EDEM3: variants seen among roughly 807,000 people sequenced by gnomAD.
EDEM3 encodes ER degradation enhancing alpha-mannosidase like protein 3, also known as ER degradation-enhancing alpha-mannosidase-like protein 3.
Under a neutral mutation model 110.2 loss-of-function variants are expected in EDEM3, and 60 were observed. The observed-to-expected ratio is 0.54, with a 90% CI of 0.44 to 0.67. The LOEUF (loss-of-function observed/expected upper bound fraction) is 0.67. EDEM3 is among the 30% of genes least tolerant of loss of function. The pLI is 0.00. For synonymous variants in EDEM3, 352 were observed against 382.9 expected (o/e 0.92, Z 0.94); for missense variants, 996 against 1,121.0 (o/e 0.89, Z 1.59).
At chr1:184,737,186 C>A in intron 3 of EDEM3, 122 bp from the exon 4 acceptor site, 1 of 788,430 alleles carries the variant, frequency 1.3e-6, no homozygotes, top group Non-Finnish European at 2.1e-6. Flanking sequence ...TTCCATGTAT[C>A]TATAGTACAA....
intron 2 of EDEM3, among the ~76,000 whole-genome samples, chr1:184,742,675 C>G (rs181149316): frequency 5.3e-4 from 81 of 152,350 alleles, no homozygotes; most frequent in African/African-American, 1.8e-3. Flanking sequence ...AGGCGTGAGC[C>G]ACCATGCCCA....
chr1:184,749,437 TTCC>T, intron 2 of EDEM3, 107 bp downstream of exon 2: 1 of 889,932 alleles, frequency 1.1e-6, no homozygotes, highest in Non-Finnish European at 1.7e-6. Context: ...TTTTAAAAAC[TTCC>T]TTTTAAAAAA....
chr1:184,701,900 A>T (rs893905857), intron 19 of EDEM3, among the ~76,000 whole-genome samples: 12 of 151,386 alleles, frequency 7.9e-5, no homozygotes, highest in Non-Finnish European at 1.8e-4. Flanking sequence ...ATCACCGAAC[A>T]TTTTTTTTTA....
rs1331358190 is a variant in EDEM3, at chr1:184,737,076, G to C, written c.306-12C>G. Reference sequence around the variant, plus strand: ...GTGTCAGAGAAAATCTAAGAAACAAGCGTTAACAAGATATAAAACATTAGA... The same window carrying C: ...GTGTCAGAGAAAATCTAAGAAACAACCGTTAACAAGATATAAAACATTAGA... On this transcript the variant is annotated splice_polypyrimidine_tract_variant and intron_variant, in intron 3 of 19. Transcript: ENST00000318130. The C allele has an allele frequency of 6.4e-7, 1 of 1,554,716 alleles. No individual in the cohort carries two copies. The highest frequency in any genetic ancestry group is 1.1e-5 in the South Asian group (1 of 89,004).
intron 2 of EDEM3, among the ~76,000 whole-genome samples, chr1:184,748,387 C>G (rs1488354675): frequency 2.6e-5 from 4 of 151,240 alleles, no homozygotes; most frequent in African/African-American, 9.7e-5. Context: ...GTGGTGGCTG[C>G]AGTGAGCTGA....
intron 18 of EDEM3, 131 bp downstream of exon 18, chr1:184,706,512 T>G: frequency 1.5e-6 from 1 of 689,176 alleles, no homozygotes; most frequent in Non-Finnish European, 2.3e-6. Context: ...TTGGATTACC[T>G]ATCCTTGTTG....
Position 184,749,540 on chromosome 1 carries a change from T to A in EDEM3, c.204+7A>T. ...AAATGGTAGGTAAAGATAAGCTTCC[T>A]ACTTACCATATAGTTACCATAAGCA... On this transcript the variant is annotated splice_region_variant and intron_variant, in intron 2 of 19. Transcript: ENST00000318130. 1 of 1,566,510 alleles carries A rather than the reference T, an allele frequency of 6.4e-7. No individual in the cohort carries two copies. Among genetic ancestry groups the A allele is most frequent in the Non-Finnish European group, 8.7e-7 (1 of 1,153,464 alleles).
Position 184,737,725 on chromosome 1 carries a change from T to C in EDEM3, c.205-14A>G. The stretch of plus-strand genomic sequence containing the variant: ...GTAAGCATGTTCCTGCAAGGAAAAC[T>C]TTAGTAAGTTACTAAGGAAAATAAG... On this transcript the variant is annotated splice_polypyrimidine_tract_variant and intron_variant, in intron 2 of 19. Coordinates refer to ENST00000318130, the MANE Select transcript of EDEM3 (RefSeq NM_025191.4). The C allele has an allele frequency of 6.2e-7, 1 of 1,609,398 alleles. No homozygotes were observed. Among genetic ancestry groups the C allele is most frequent in the Non-Finnish European group, 8.5e-7 (1 of 1,176,272 alleles).
intron 2 of EDEM3, among the ~76,000 whole-genome samples, chr1:184,739,002 A>G (rs547523122): frequency 8.6e-5 from 13 of 152,008 alleles, no homozygotes; most frequent in African/African-American, 2.9e-4. Flanking sequence ...TCTGGAATCT[A>G]TTTTCATTTA....
intron 16 of EDEM3, among the ~76,000 whole-genome samples, chr1:184,709,244 T>C (rs946716126): frequency 6.6e-6 from 1 of 152,112 alleles, no homozygotes; most frequent in Non-Finnish European, 1.5e-5. Context: ...CAGATTGAGA[T>C]TGAGATGCAA....
intron 4 of EDEM3, among the ~76,000 whole-genome samples, chr1:184,736,602 A>C (rs995259266): frequency 2.0e-5 from 3 of 152,184 alleles, no homozygotes; most frequent in African/African-American, 7.2e-5. Flanking sequence ...CCTGATGCTA[A>C]AAATCACTGC....
chr1:184,754,579 G>T lies in EDEM3; in HGVS notation c.68C>A (p.Ala23Glu). Reference protein sequence around the residue: ...VPQRARWRLVAATAAFCLVSA... With the variant: ...VPQRARWRLVEATAAFCLVSA... ...CACCAGGCAGAACGCGGCCGTCGCCGCCACTAGTCTCCATCGCGCTCGCTG... is the reference window on the plus strand; with the variant it reads ...CACCAGGCAGAACGCGGCCGTCGCCTCCACTAGTCTCCATCGCGCTCGCTG... The change falls in exon 1 of 20, where the codon GCG becomes GAG. Residue 23 changes from alanine to glutamate, a missense_variant. Physicochemically the swap from Ala to Glu is moderately radical, Grantham distance 107 (BLOSUM62 -1). Transcript: ENST00000318130. 6.2e-7 allele frequency: 1 copy of T among 1,612,048 alleles called. No individual in the cohort carries two copies.
Position 184,732,859 on chromosome 1 carries a change from G to A in EDEM3, c.590C>T (p.Thr197Ile). ...TACTCTTGGATAAGGAAGGCCACTG[G>A]TAGTGTTGAAAGCCGGTAAAAGTTT... ...GYKLLPAFNT[T>I]SGLPYPRINL... The change falls in exon 6 of 20, where the codon ACC (threonine) becomes ATC (isoleucine). Residue 197 changes from threonine to isoleucine, a missense_variant. Transcript: ENST00000318130. The A allele has an allele frequency of 6.2e-7, 1 of 1,613,592 alleles. No homozygotes were observed. The highest frequency in any genetic ancestry group is 8.5e-7 in the Non-Finnish European group (1 of 1,179,686).
chr1:184,723,453 C>T (rs192046633), intron 8 of EDEM3, among the ~76,000 whole-genome samples: 34 of 152,050 alleles, frequency 2.2e-4, no homozygotes, highest in South Asian at 1.2e-3. Context: ...CACACCTTGA[C>T]GTGAGATGGC....
At chr1:184,727,692 C>G (rs1651266149) in intron 6 of EDEM3, among the ~76,000 whole-genome samples, 1 of 152,162 alleles carries the variant, frequency 6.6e-6, no homozygotes, top group African/African-American at 2.4e-5. Flanking sequence ...GTTCTCAGTA[C>G]TGCCATTTAT....
At chr1:184,734,774 T>A (rs904830333) in intron 4 of EDEM3, 131 bp from the exon 5 acceptor site, 2 of 329,922 alleles carry the variant, frequency 6.1e-6, no homozygotes, top group Non-Finnish European at 1.1e-5. Flanking sequence ...TATTTCTAAG[T>A]ATATTATAAA....
chr1:184,737,536 A>AT, intron 3 of EDEM3, 75 bp downstream of exon 3: 1 of 1,359,778 alleles, frequency 7.4e-7, no homozygotes, highest in East Asian at 2.3e-5. Flanking sequence ...AAATATTATT[A>AT]TATGTAAACT....
At chr1:184,728,498 T>G (rs1380257749) in intron 6 of EDEM3, among the ~76,000 whole-genome samples, 2 of 152,234 alleles carry the variant, frequency 1.3e-5, no homozygotes, top group Non-Finnish European at 2.9e-5. Flanking sequence ...TACCCCAAGA[T>G]GACTGCTATA....
intron 18 of EDEM3, among the ~76,000 whole-genome samples, chr1:184,704,069 G>A (rs892992109): frequency 2.6e-5 from 4 of 152,114 alleles, no homozygotes; most frequent in Non-Finnish European, 5.9e-5. Flanking sequence ...GGATCCTGGT[G>A]ATTTTTAGTT....
Sources: allele counts gnomAD v4.1 joint callset (sites outside exome capture counted in the v4.1 genomes callset), GRCh38; gene constraint gnomAD v4.1.1; transcripts MANE v1.5; gene names NCBI Gene and HGNC (gene_info 2026-07-23, HGNC 2026-07-21).